The following NAV1 variants were observed in gnomAD, a reference collection of about 807,000 sequenced individuals.
NAV1 encodes neuron navigator 1, also known as pore membrane and/or filament interacting like protein 3.
A neutral mutation model predicts 175.2 loss-of-function variants in NAV1; 18 were observed. That is an observed-to-expected ratio of 0.10 (90% confidence interval 0.07 to 0.15). NAV1 has a LOEUF of 0.15. Among genes scored for constraint, NAV1 ranks in the 10% least tolerant of loss-of-function variants. The probability of loss-of-function intolerance (pLI) is 1.00; values close to 1 mark genes in which losing one functional copy is unlikely to be tolerated. For synonymous variants in NAV1, 897 were observed against 978.7 expected (o/e 0.92, Z 1.56); for missense variants, 1,731 against 2,436.6 (o/e 0.71, Z 6.10).
intron 1 of NAV1, among the ~76,000 whole-genome samples, chr1:201,666,896 G>A (rs1423267739): frequency 6.6e-6 from 1 of 152,054 alleles, no homozygotes; most frequent in Non-Finnish European, 1.5e-5. Flanking sequence ...ACCATGTTCC[G>A]TGGTAGGATT....
At chr1:201,604,553 G>A (rs1456622804) in intron 2 of NAV1, among the ~76,000 whole-genome samples, 4 of 151,884 alleles carry the variant, frequency 2.6e-5, no homozygotes, top group Admixed American at 1.3e-4. Context: ...ATGCTAGCAC[G>A]CACCTATAAT....
chr1:201,731,222 A>T (rs1672847209), intron 3 of NAV1, among the ~76,000 whole-genome samples: 1 of 151,994 alleles, frequency 6.6e-6, no homozygotes, highest in Non-Finnish European at 1.5e-5. Flanking sequence ...CACACCAAGC[A>T]GTGGAAATGA....
chr1:201,646,193 C>G (rs1174431641), upstream of NAV1, among the ~76,000 whole-genome samples: 1 of 152,222 alleles, frequency 6.6e-6, no homozygotes, highest in Admixed American at 6.5e-5. Flanking sequence ...CACTCACATT[C>G]CTTTAACCAG....
chr1:201,793,898 G>C lies in NAV1; in HGVS notation c.3405+23G>C, dbSNP rs759304612. 2.6e-6 allele frequency: 4 copies of C among 1,535,654 alleles called. No homozygotes were observed. The Admixed American group carries it at 6.7e-5, about 26-fold the overall frequency. On this transcript the variant is annotated intron_variant, in intron 14 of 29. Transcript: ENST00000367296. Reference sequence around the variant, plus strand: ...AAGGTGAGAGGCCTGGGAAAGGGTGGGAGGGGTGGGTGCGGCGAGGGGGTT... The same window carrying C: ...AAGGTGAGAGGCCTGGGAAAGGGTGCGAGGGGTGGGTGCGGCGAGGGGGTT...
At position 201,788,982 on chromosome 1, in the gene NAV1, T is replaced by C. The variant is rs1161217525; in HGVS notation, c.3166+344T>C. ...CATAGTCTTTCCTCCCCACAGTCTC[T>C]CAAATATATGAAAAGAAAACAGGAC... On this transcript the variant is annotated intron_variant, in intron 10 of 29. Coordinates refer to ENST00000367296, the Ensembl canonical transcript of NAV1. The surrounding 1 kb of genome is among the most constrained non-coding windows in gnomAD (Gnocchi z 5.7). 1.3e-5 allele frequency among the ~76,000 whole-genome samples: 2 copies of C among 152,170 alleles called. No homozygotes were observed. Among genetic ancestry groups the C allele is most frequent in the Admixed American group, 6.5e-5 (1 of 15,270 alleles).
At chr1:201,719,236 A>G (rs1438917299) in intron 3 of NAV1, among the ~76,000 whole-genome samples, 1 of 151,834 alleles carries the variant, frequency 6.6e-6, no homozygotes, top group African/African-American at 2.4e-5. Context: ...TGTGGGTGAA[A>G]TCGCTAGTCA....
chr1:201,591,286 C>A (rs1026720933), intron 2 of NAV1, among the ~76,000 whole-genome samples: 1 of 152,088 alleles, frequency 6.6e-6, no homozygotes, highest in Admixed American at 6.5e-5. Context: ...CTGGGGGAGA[C>A]GAGGCAAGGG....
intron 2 of NAV1, among the ~76,000 whole-genome samples, chr1:201,635,000 G>A (rs937021002): frequency 6.6e-6 from 1 of 152,080 alleles, no homozygotes; most frequent in Non-Finnish European, 1.5e-5. Flanking sequence ...AACTCCAGAG[G>A]AAATTCATAT....
chr1:201,544,398 ATAGAG>A (rs2102444851), intron 1 of NAV1, among the ~76,000 whole-genome samples: 1 of 152,334 alleles, frequency 6.6e-6, no homozygotes, highest in East Asian at 1.9e-4. Context: ...CCATTTGTAA[ATAGAG>A]TAAATACCAA....
chr1:201,675,137 G>T (rs987472715), intron 1 of NAV1, among the ~76,000 whole-genome samples: 2 of 152,066 alleles, frequency 1.3e-5, no homozygotes, highest in African/African-American at 4.8e-5. Flanking sequence ...CTCTGACCTG[G>T]GGATGACCTT....
At chr1:201,631,383 C>T (rs1021233909) in intron 2 of NAV1, among the ~76,000 whole-genome samples, 3 of 152,264 alleles carry the variant, frequency 2.0e-5, no homozygotes, top group African/African-American at 7.2e-5. Context: ...TGCCCTCTCA[C>T]TCCCAAAGTC....
At chr1:201,802,648 C>T (rs560143618) in intron 15 of NAV1, among the ~76,000 whole-genome samples, 140 of 151,504 alleles carry the variant, frequency 9.2e-4, no homozygotes, top group Non-Finnish European at 1.7e-3. Context: ...GGCCTGGTGG[C>T]GGGTGCCTGT....
intron 3 of NAV1, among the ~76,000 whole-genome samples, chr1:201,731,437 C>T (rs1397261834): frequency 1.3e-5 from 2 of 152,076 alleles, no homozygotes; most frequent in African/African-American, 2.4e-5. Flanking sequence ...TGTGCTCAGC[C>T]TGAGGGTTGG....
At position 201,813,045 on chromosome 1, in the gene NAV1, C is replaced by A; in HGVS notation, c.5222-95C>A. On this transcript the variant is annotated intron_variant, in intron 27 of 29. Transcript: ENST00000367296. This position sits in a 1 kb window ranked among gnomAD's most constrained non-coding sequence, Gnocchi z 4.2. The stretch of plus-strand genomic sequence containing the variant: ...AAATTTCCTTTAATCCTTTGACTGT[C>A]AGACCCCTCTGCCTGGTACTAAGGA... The A allele has an allele frequency of 1.1e-6, 1 of 875,860 alleles. No homozygotes were observed. Among genetic ancestry groups the A allele is most frequent in the Non-Finnish European group, 1.8e-6 (1 of 547,502 alleles). 54.3% of individuals were successfully genotyped at this position (875,860 alleles called of 1,614,324 possible).
chr1:201,616,479 GTCTC>G (rs1017577519), intron 2 of NAV1, among the ~76,000 whole-genome samples: 3 of 151,722 alleles, frequency 2.0e-5, no homozygotes, highest in Non-Finnish European at 2.9e-5. Context: ...ACTCTGTTTT[GTCTC>G]TCTCTCTCTT....
chr1:201,611,962 TG>T (rs896921983), intron 2 of NAV1, among the ~76,000 whole-genome samples: 1 of 146,482 alleles, frequency 6.8e-6, no homozygotes, highest in Non-Finnish European at 1.5e-5. Flanking sequence ...GGTGCGAGTG[TG>T]TATGTGTCAG....
chr1:201,583,862 A>T (rs1283158099), intron 1 of NAV1, among the ~76,000 whole-genome samples: 1 of 152,206 alleles, frequency 6.6e-6, no homozygotes, highest in Non-Finnish European at 1.5e-5. Flanking sequence ...GGAGCCAGTC[A>T]GGACCTTCAG....
At chr1:201,549,488 C>A (rs954763785) in intron 1 of NAV1, among the ~76,000 whole-genome samples, 2 of 152,222 alleles carry the variant, frequency 1.3e-5, no homozygotes, top group African/African-American at 2.4e-5. Flanking sequence ...GGATTACAGG[C>A]ATGCGCCAAC....
chr1:201,775,759 T>C (rs940894892), intron 3 of NAV1, among the ~76,000 whole-genome samples: 2 of 152,190 alleles, frequency 1.3e-5, no homozygotes, highest in Non-Finnish European at 2.9e-5. Flanking sequence ...GCCTTGGAAA[T>C]TTAAAATATG....
Sources: gnomAD v4.1 joint callset for allele counts (sites outside exome capture counted in the v4.1 genomes callset) on GRCh38, gnomAD v4.1.1 for gene constraint, Gnocchi (gnomAD v3.1) non-coding constraint, MANE v1.5 for transcripts, NCBI Gene and HGNC (gene_info 2026-07-23, HGNC 2026-07-21) for gene names.